Variants in BMP5 observed in about 807,000 individuals in gnomAD.
The protein encoded by BMP5 is bone morphogenetic protein 5.
A neutral mutation model predicts 46.6 loss-of-function variants in BMP5; 23 were observed. That is an observed-to-expected ratio of 0.49 (90% CI 0.35 to 0.70). The LOEUF (loss-of-function observed/expected upper bound fraction) is 0.70, where lower values mean the gene tolerates loss of function less well. Among genes scored for constraint, BMP5 ranks in the 30% least tolerant of loss-of-function variants. BMP5 has a pLI of 0.00. For missense variants in BMP5, 545 were observed against 565.6 expected, an observed-to-expected ratio of 0.96 and a Z score of 0.37; for synonymous variants, 204 against 191.9, an observed-to-expected ratio of 1.06 and a Z score of -0.52.
intron 2 of BMP5, among the ~76,000 whole-genome samples, chr6:55,801,909 A>G (rs1181503882): frequency 1.3e-5 from 2 of 152,206 alleles, no homozygotes; most frequent in African/African-American, 4.8e-5. Flanking sequence ...CGGTCTTCCC[A>G]TGCTTCCCAT....
In BMP5 at chr6:55,791,575, G is replaced by A. The variant is rs182342127; in HGVS notation, c.832+2704C>T. 3.0e-4 allele frequency among the ~76,000 whole-genome samples: 45 copies of A among 152,114 alleles called. No homozygotes were observed. In the East Asian group the frequency reaches 5.2e-3, roughly 18 times the overall value. ...GTAAAATTACCCATGTAATATAAGA[G>A]AAAATTAATCATAGAGAAAGGGAAA... On this transcript the variant is annotated intron_variant, in intron 3 of 6. Coordinates refer to ENST00000370830, the MANE Select transcript of BMP5 (RefSeq NM_021073.4).
intron 1 of BMP5, among the ~76,000 whole-genome samples, chr6:55,855,678 T>A (rs1777376645): frequency 1.3e-5 from 2 of 152,162 alleles, no homozygotes; most frequent in Admixed American, 6.6e-5. Flanking sequence ...ATCAGATGCT[T>A]AATTTATTAA....
intron 1 of BMP5, among the ~76,000 whole-genome samples, chr6:55,856,454 T>C (rs548425901): frequency 8.6e-4 from 131 of 152,316 alleles, no homozygotes; most frequent in Non-Finnish European, 1.6e-3. Context: ...AATTGTAAGA[T>C]ATTTTCTACG....
chr6:55,795,319 C>T (rs1488996407), intron 2 of BMP5, among the ~76,000 whole-genome samples: 1 of 152,040 alleles, frequency 6.6e-6, no homozygotes, highest in Non-Finnish European at 1.5e-5. Context: ...CTGTAAAACA[C>T]TGTATCTCCC....
At chr6:55,851,536 C>G (rs1328071824) in intron 1 of BMP5, among the ~76,000 whole-genome samples, 2 of 152,094 alleles carry the variant, frequency 1.3e-5, no homozygotes, top group Non-Finnish European at 2.9e-5. Context: ...GGGAATATTA[C>G]TAGAACATTT....
chr6:55,774,655 C>G (rs973144652), intron 3 of BMP5, among the ~76,000 whole-genome samples: 1 of 151,944 alleles, frequency 6.6e-6, no homozygotes, highest in South Asian at 2.1e-4. Context: ...GAATACTTGG[C>G]AGGGTGTTTC....
chr6:55,779,202 A>G (rs974065285), intron 3 of BMP5, among the ~76,000 whole-genome samples: 1 of 152,060 alleles, frequency 6.6e-6, no homozygotes, highest in Non-Finnish European at 1.5e-5. Context: ...AAAAACATTC[A>G]TTTGAGGATT....
At chr6:55,826,710 T>A (rs1235633230) in intron 1 of BMP5, among the ~76,000 whole-genome samples, 3 of 151,470 alleles carry the variant, frequency 2.0e-5, no homozygotes, top group Non-Finnish European at 4.4e-5. Flanking sequence ...AATAAACAAT[T>A]GTAGCAATAA....
At chr6:55,868,006 G>C (rs1055433620) in intron 1 of BMP5, among the ~76,000 whole-genome samples, 1 of 152,170 alleles carries the variant, frequency 6.6e-6, no homozygotes, top group Non-Finnish European at 1.5e-5. Context: ...GCAGTAATAT[G>C]CCATGAACTG....
chr6:55,855,934 G>A (rs1777384767), intron 1 of BMP5, among the ~76,000 whole-genome samples: 1 of 152,058 alleles, frequency 6.6e-6, no homozygotes, highest in Non-Finnish European at 1.5e-5. Context: ...TTTTACCAGT[G>A]AAATCTACCA....
chr6:55,760,513 T>A lies in BMP5; in HGVS notation c.1048A>T (p.Lys350Ter). The change falls in exon 5 of 7, where the codon AAA becomes TAA. Residue 350 changes from lysine (K) to a stop codon, truncating the protein, a stop_gained. Coordinates refer to ENST00000370830, the MANE Select transcript of BMP5 (RefSeq NM_021073.4). LOFTEE classifies it high-confidence loss of function. The stretch of plus-strand genomic sequence containing the variant: ...AGTTCGTGCTTCTTACAGGCTTGTT[T>A]TTGCTCACTTGTGTTATAATCTGAA... ...SVGDYNTSEQ[K>*]QACKKHELYV... The A allele has an allele frequency of 6.2e-7, 1 of 1,613,152 alleles. No individual in the cohort carries two copies.
intron 2 of BMP5, 133 bp downstream of exon 2, chr6:55,819,522 T>C (rs935038155): frequency 5.3e-6 from 4 of 749,636 alleles, no homozygotes; most frequent in South Asian, 1.8e-5. Flanking sequence ...TCAATATCTC[T>C]ACCTGGCTCT....
At chr6:55,866,929 A>G (rs1312782160) in intron 1 of BMP5, among the ~76,000 whole-genome samples, 1 of 152,230 alleles carries the variant, frequency 6.6e-6, no homozygotes, top group African/African-American at 2.4e-5. Context: ...ACTAAATAAT[A>G]CAAAGATTAA....
intron 2 of BMP5, among the ~76,000 whole-genome samples, chr6:55,810,301 A>G (rs1776097400): frequency 6.6e-6 from 1 of 152,238 alleles, no homozygotes; most frequent in Non-Finnish European, 1.5e-5. Flanking sequence ...AACTGGTAAA[A>G]TAGTAATATT....
At chr6:55,766,682 A>G (rs982944869) in intron 4 of BMP5, among the ~76,000 whole-genome samples, 2 of 152,036 alleles carry the variant, frequency 1.3e-5, no homozygotes, top group African/African-American at 4.8e-5. Context: ...TCTTTTTCCA[A>G]TTGCCTATGG....
At chr6:55,865,415 T>C (rs73744941) in intron 1 of BMP5, 1 of 506,440 alleles carries the variant, frequency 2.0e-6, no homozygotes, top group South Asian at 1.4e-5. Flanking sequence ...CCAAAGGTAG[T>C]ATGAAAAGCA....
At chr6:55,794,927 C>A (rs775257860) in intron 2 of BMP5, among the ~76,000 whole-genome samples, 3 of 151,716 alleles carry the variant, frequency 2.0e-5, no homozygotes, top group African/African-American at 4.8e-5. Context: ...TTATGGATAC[C>A]AAACACCAAG....
At chr6:55,854,938 A>T (rs563848313) in intron 1 of BMP5, among the ~76,000 whole-genome samples, 11 of 152,120 alleles carry the variant, frequency 7.2e-5, no homozygotes, top group African/African-American at 2.7e-4. Flanking sequence ...CTAATTTATT[A>T]AAAAATACTA....
At chr6:55,872,066 C>T (rs1582136458) in intron 1 of BMP5, among the ~76,000 whole-genome samples, 2 of 151,876 alleles carry the variant, frequency 1.3e-5, no homozygotes, top group South Asian at 4.2e-4. Flanking sequence ...TACACTTTCA[C>T]CTTTTCTGAG....
Sources: gnomAD v4.1 joint callset for allele counts (sites outside exome capture counted in the v4.1 genomes callset) on GRCh38, gnomAD v4.1.1 for gene constraint, MANE v1.5 for transcripts, NCBI Gene and HGNC (gene_info 2026-07-23, HGNC 2026-07-21) for gene names.